Variants in CD226 observed in about 807,000 individuals in gnomAD.
CD226 encodes CD226 molecule, also known as CD226 antigen.
Under a neutral mutation model 34.9 loss-of-function variants are expected in CD226, and 24 were observed. The ratio of observed to expected loss-of-function variants is 0.69; its 90% CI spans 0.50 to 0.97. CD226 has a LOEUF of 0.97. Ranked by LOEUF, CD226 falls within the 50% of genes least tolerant of loss-of-function variation. The pLI is 0.00. For synonymous variants in CD226, 148 were observed against 147.4 expected (o/e 1.00, Z -0.03); for missense variants, 397 against 412.7 (o/e 0.96, Z 0.33).
At chr18:69,923,070 T>C (rs1359092741) in intron 2 of CD226, among the ~76,000 whole-genome samples, 1 of 151,238 alleles carries the variant, frequency 6.6e-6, no homozygotes, top group Non-Finnish European at 1.5e-5. Flanking sequence ...GAGGCAGAGG[T>C]TGCAGTGATC....
At chr18:69,866,071 C>A (rs1983123030) in intron 5 of CD226, among the ~76,000 whole-genome samples, 1 of 152,132 alleles carries the variant, frequency 6.6e-6, no homozygotes, top group African/African-American at 2.4e-5. Flanking sequence ...GGTTTGCAGA[C>A]AACTGTCTTC....
At chr18:69,948,171 A>T (rs1483937512), upstream of CD226, among the ~76,000 whole-genome samples, 1 of 152,202 alleles carries the variant, frequency 6.6e-6, no homozygotes, top group African/African-American at 2.4e-5. Flanking sequence ...GTCAGGGGTC[A>T]TATCTTACAT....
intron 3 of CD226, among the ~76,000 whole-genome samples, chr18:69,892,476 AG>A (rs1984962594): frequency 6.6e-6 from 1 of 152,200 alleles, no homozygotes; most frequent in East Asian, 1.9e-4. Flanking sequence ...GGTCCAGGCA[AG>A]TTTCAAATTC....
intron 2 of CD226, among the ~76,000 whole-genome samples, chr18:69,903,618 T>C (rs1380527129): frequency 6.6e-6 from 1 of 152,050 alleles, no homozygotes; most frequent in Non-Finnish European, 1.5e-5. Context: ...TAATCCAATA[T>C]GACCGTGTCC....
intron 2 of CD226, among the ~76,000 whole-genome samples, chr18:69,909,750 C>T (rs544264088): frequency 6.6e-6 from 1 of 152,290 alleles, no homozygotes; most frequent in South Asian, 2.1e-4. Flanking sequence ...ATGTATTCAG[C>T]ATTTAATTTG....
rs950346733 is a variant in CD226 at position 69,860,993 on chromosome 18, C to T, written c.*3321G>A. 1 of 151,998 alleles carries T rather than the reference C, an allele frequency of 6.6e-6. No homozygotes were observed. Among genetic ancestry groups the T allele is most frequent in the African/African-American group, 2.4e-5 (1 of 41,438 alleles). The allele number at this position is 151,998 out of a possible 1,614,324, so 9.4% of individuals were successfully genotyped here. On this transcript the variant is annotated 3_prime_UTR_variant, in exon 6 of 6. Coordinates refer to ENST00000582621, the MANE Select transcript of CD226 (RefSeq NM_001303618.2). ...CAGTGATCTCTAATTACAATGTGGA[C>T]TCTCTCAATTTAGAAAACTACTGTT...
chr18:69,931,906 C>G (rs1013656088), intron 2 of CD226, among the ~76,000 whole-genome samples: 1 of 152,156 alleles, frequency 6.6e-6, no homozygotes, highest in African/African-American at 2.4e-5. Context: ...ACAACAGAAA[C>G]TTATTTTATC....
chr18:69,922,285 G>T (rs1033024391), intron 2 of CD226, among the ~76,000 whole-genome samples: 1 of 152,004 alleles, frequency 6.6e-6, no homozygotes, highest in Non-Finnish European at 1.5e-5. Context: ...TATAATTTTC[G>T]TTTGTTTATT....
chr18:69,886,075 T>C (rs774388997), intron 3 of CD226, among the ~76,000 whole-genome samples: 14 of 152,138 alleles, frequency 9.2e-5, no homozygotes, highest in African/African-American at 1.7e-4. Flanking sequence ...GAGTAGTTTT[T>C]CTCTTCCACT....
chr18:69,939,302 C>T (rs925875995), intron 2 of CD226, among the ~76,000 whole-genome samples: 8 of 152,122 alleles, frequency 5.3e-5, no homozygotes, highest in Admixed American at 1.3e-4. Flanking sequence ...CTATAAATAA[C>T]GTATTGTTTA....
upstream of CD226, among the ~76,000 whole-genome samples, chr18:69,961,312 C>T (rs1174167665): frequency 6.6e-6 from 1 of 152,058 alleles, no homozygotes; most frequent in African/African-American, 2.4e-5. Context: ...ATGGCAAGAC[C>T]CAATTTTGAG....
chr18:69,912,064 A>G (rs1329101845), intron 2 of CD226, among the ~76,000 whole-genome samples: 1 of 152,210 alleles, frequency 6.6e-6, no homozygotes, highest in East Asian at 1.9e-4. Flanking sequence ...GGTTTGTTAC[A>G]TATGTATGGT....
intron 2 of CD226, among the ~76,000 whole-genome samples, chr18:69,943,425 T>C (rs902450776): frequency 6.6e-6 from 1 of 152,228 alleles, no homozygotes; most frequent in African/African-American, 2.4e-5. Flanking sequence ...TAAAAACAAA[T>C]GCATTTATTC....
At chr18:69,953,808 T>C (rs2055873834) in intron 1 of CD226, among the ~76,000 whole-genome samples, 1 of 152,100 alleles carries the variant, frequency 6.6e-6, no homozygotes, top group African/African-American at 2.4e-5. Flanking sequence ...AAAACCAGCC[T>C]GGCCAACATG....
intron 3 of CD226, among the ~76,000 whole-genome samples, chr18:69,889,700 A>T (rs1984772256): frequency 6.6e-6 from 1 of 152,182 alleles, no homozygotes; most frequent in Non-Finnish European, 1.5e-5. Flanking sequence ...AAGATTTATA[A>T]TCTGTATAAA....
At chr18:69,940,000 C>T (rs1374422388) in intron 2 of CD226, among the ~76,000 whole-genome samples, 9 of 152,220 alleles carry the variant, frequency 5.9e-5, no homozygotes, top group Non-Finnish European at 1.2e-4. Flanking sequence ...ATAACCCTCA[C>T]GTGTCGTGGG....
chr18:69,924,273 G>C (rs1403021086), intron 2 of CD226, among the ~76,000 whole-genome samples: 1 of 152,088 alleles, frequency 6.6e-6, no homozygotes, highest in African/African-American at 2.4e-5. Flanking sequence ...CACTACATTT[G>C]TACTACACAT....
At chr18:69,876,855 CTTTTTTTTTTTT>C (rs10618085) in intron 3 of CD226, among the ~76,000 whole-genome samples, 1 of 64,076 alleles carries the variant, frequency 1.6e-5, no homozygotes, top group Admixed American at 2.0e-4. Flanking sequence ...GCCTCTAGAA[CTTTTTTTTTTTT>C]TTTTTTTTTT....
At chr18:69,904,318 CG>C (rs1678271693) in intron 2 of CD226, among the ~76,000 whole-genome samples, 1 of 152,186 alleles carries the variant, frequency 6.6e-6, no homozygotes, top group South Asian at 2.1e-4. Flanking sequence ...GTCCAAAGAG[CG>C]ATTCCCCTGT....
Sources: allele counts gnomAD v4.1 joint callset (sites outside exome capture counted in the v4.1 genomes callset), GRCh38; gene constraint gnomAD v4.1.1; transcripts MANE v1.5; gene names NCBI Gene and HGNC (gene_info 2026-07-23, HGNC 2026-07-21).